The following CFAP54 variants were observed in gnomAD, a reference collection of about 807,000 sequenced individuals.
CFAP54 encodes the protein cilia- and flagella-associated protein 54.
CFAP54 carries 290 observed loss-of-function variants against 370.4 expected under a neutral mutation model. That is an observed-to-expected ratio of 0.78 (90% CI 0.71 to 0.86). The LOEUF (loss-of-function observed/expected upper bound fraction) is 0.86. Among genes scored for constraint, CFAP54 ranks in the 40% least tolerant of loss-of-function variants. The pLI is 0.00. For missense variants in CFAP54, 3,399 were observed against 3,528.7 expected (o/e 0.96, Z 0.93); for synonymous variants, 1,206 against 1,236.5 (o/e 0.98, Z 0.52).
rs1421480583 is a variant in CFAP54 at position 96,615,159 on chromosome 12, G to C, written c.3640-6431G>C. 2.0e-4 allele frequency among the ~76,000 whole-genome samples: 31 copies of C among 152,136 alleles called. No homozygotes were observed. The East Asian group carries it at 4.8e-3, about 24-fold the overall frequency. Reference sequence around the variant, plus strand: ...AAACAGCATGGTAGTGGTACCAAAAGAGAGATATAGATCAATGGAACAGAA... The same window carrying C: ...AAACAGCATGGTAGTGGTACCAAAACAGAGATATAGATCAATGGAACAGAA... On this transcript the variant is annotated intron_variant, in intron 26 of 67. Transcript: ENST00000524981.
At chr12:96,636,782 C>T (rs555257207) in intron 32 of CFAP54, among the ~76,000 whole-genome samples, 29 of 152,208 alleles carry the variant, frequency 1.9e-4, no homozygotes, top group African/African-American at 4.8e-4. Context: ...GGTGAAACCC[C>T]GTCTCTACTA....
chr12:96,493,126 G>A (rs560649303), intron 1 of CFAP54, among the ~76,000 whole-genome samples: 2 of 152,258 alleles, frequency 1.3e-5, no homozygotes, highest in South Asian at 4.1e-4. Context: ...AGAATCACAA[G>A]CATTGGATTG....
intron 46 of CFAP54, among the ~76,000 whole-genome samples, chr12:96,703,590 C>T (rs1213660161): frequency 6.6e-6 from 1 of 151,970 alleles, no homozygotes. Flanking sequence ...ACATCAGTCT[C>T]CTGTGGCAAA....
chr12:96,518,978 G>C lies in CFAP54; in HGVS notation c.849G>C (p.Pro283=), dbSNP rs755330593. 10 of 1,535,802 alleles carry C rather than the reference G, an allele frequency of 6.5e-6. No homozygotes were observed. In the African/African-American group the frequency reaches 9.6e-5, roughly 15 times the overall value. ...GCATGTGTATGGAGTCCTTGGTCCC[G>C]CTCCTGTCACTCAGGTACTTGACAT... ...WASMCMESLV[P]LLSLRYLTWR... Residue 283 remains proline (P), a synonymous_variant, in exon 6 of 68, where the codon CCG becomes CCC. Coordinates refer to ENST00000524981, the MANE Select transcript of CFAP54 (RefSeq NM_001306084.2).
chr12:96,824,121 C>T (rs539715632), intron 65 of CFAP54, among the ~76,000 whole-genome samples: 1 of 152,234 alleles, frequency 6.6e-6, no homozygotes, highest in African/African-American at 2.4e-5. Flanking sequence ...TCTGTGCCCT[C>T]CCAGCCCCTC....
At chr12:96,785,087 T>A (rs1314671952) in intron 61 of CFAP54, among the ~76,000 whole-genome samples, 197 bp downstream of exon 61, 1 of 152,228 alleles carries the variant, frequency 6.6e-6, no homozygotes, top group Admixed American at 6.5e-5. Context: ...TTGGTTTCTT[T>A]AGAAATTCTA....
chr12:96,765,796 G>A (rs1958397028), intron 60 of CFAP54, among the ~76,000 whole-genome samples: 1 of 152,154 alleles, frequency 6.6e-6, no homozygotes, highest in South Asian at 2.1e-4. Flanking sequence ...AAACTGGACT[G>A]CAATACTGTT....
chr12:96,535,599 A>C lies in CFAP54; in HGVS notation c.1790A>C (p.Gln597Pro). Residue 597 changes from glutamine (Q) to proline (P), a missense_variant and splice_region_variant, in exon 12 of 68, where the codon CAG (glutamine) becomes CCG (proline). By Grantham distance (76) the Gln-to-Pro change is moderately conservative. Transcript: ENST00000524981. ...TATGTCTGTGTCTGCACTGCTCCCC[A>C]GGTGAAATAGCTATTTTAAATAATT... is the stretch of plus-strand genomic sequence containing the variant. ...TLYVCVCTAPQDVQPDKEIVV... is the reference protein window; with the variant it reads ...TLYVCVCTAPPDVQPDKEIVV... The C allele has an allele frequency of 6.5e-7, 1 of 1,527,128 alleles. No homozygotes were observed. The highest frequency in any genetic ancestry group is 8.8e-7 in the Non-Finnish European group (1 of 1,140,198). The allele number at this position is 1,527,128 out of a possible 1,614,324, so 94.6% of individuals were successfully genotyped here.
intron 50 of CFAP54, among the ~76,000 whole-genome samples, chr12:96,726,093 G>T (rs1957830790): frequency 6.7e-6 from 1 of 149,200 alleles, no homozygotes; most frequent in South Asian, 2.2e-4. Context: ...TTTTATTGAG[G>T]ATTTTTGCAT....
intron 35 of CFAP54, among the ~76,000 whole-genome samples, chr12:96,651,184 A>G (rs553790670): frequency 5.3e-5 from 8 of 152,300 alleles, no homozygotes; most frequent in Non-Finnish European, 1.0e-4. Context: ...TTTTCTTTAT[A>G]AAACTTCTTA....
intron 26 of CFAP54, among the ~76,000 whole-genome samples, chr12:96,601,648 T>A (rs1353815676): frequency 6.6e-6 from 1 of 152,082 alleles, no homozygotes; most frequent in African/African-American, 2.4e-5. Context: ...GTTATTGATG[T>A]ATTCAGAGAT....
chr12:96,756,561 A>C lies in CFAP54; in HGVS notation c.7944A>C (p.Ser2648=). 1 of 1,576,768 alleles carries C rather than the reference A, an allele frequency of 6.3e-7. No individual in the cohort carries two copies. The highest frequency in any genetic ancestry group is 8.7e-7 in the Non-Finnish European group (1 of 1,150,176). The part of the protein sequence containing the change: ...IQLSLKNDQN[S]GLIRDSYLEM... The stretch of plus-strand genomic sequence containing the variant: ...TAAGCCTGAAAAATGATCAAAACTC[A>C]GGGTAAAAAGATATTCCATTGTTGT... Residue 2648 remains serine, a splice_region_variant and synonymous_variant, in exon 57 of 68, where the codon TCA becomes TCC. Transcript: ENST00000524981.
At chr12:96,511,614 G>A (rs754584874) in intron 4 of CFAP54, among the ~76,000 whole-genome samples, 18 of 151,462 alleles carry the variant, frequency 1.2e-4, no homozygotes, top group Non-Finnish European at 2.5e-4. Context: ...CACCACGCCC[G>A]GCTGGGATTA....
At chr12:96,526,194 G>A (rs1955378657) in intron 8 of CFAP54, among the ~76,000 whole-genome samples, 1 of 152,228 alleles carries the variant, frequency 6.6e-6, no homozygotes, top group Admixed American at 6.5e-5. Context: ...TTCTAGAAAA[G>A]CCTACTAAAA....
At chr12:96,853,832 C>A (rs1418398952) in intron 66 of CFAP54, among the ~76,000 whole-genome samples, 1 of 151,978 alleles carries the variant, frequency 6.6e-6, no homozygotes, top group Non-Finnish European at 1.5e-5. Flanking sequence ...TGCTTTCACT[C>A]GTGGCCTCCA....
At chr12:96,612,975 T>G (rs1956375439) in intron 26 of CFAP54, among the ~76,000 whole-genome samples, 1 of 152,034 alleles carries the variant, frequency 6.6e-6, no homozygotes, top group Non-Finnish European at 1.5e-5. Context: ...GACAGAAAGT[T>G]AAAAAGGATA....
At chr12:96,667,035 A>G (rs1013665674) in intron 39 of CFAP54, among the ~76,000 whole-genome samples, 1 of 152,190 alleles carries the variant, frequency 6.6e-6, no homozygotes, top group South Asian at 2.1e-4. Context: ...AAATCCAATA[A>G]GGCAGTCATT....
chr12:96,665,677 C>T (rs185117114), intron 39 of CFAP54, among the ~76,000 whole-genome samples: 3 of 152,172 alleles, frequency 2.0e-5, no homozygotes, highest in Admixed American at 1.3e-4. Context: ...CACTGGTGTA[C>T]GTGTCTCTTT....
chr12:96,749,686 A>G (rs987688151), intron 55 of CFAP54, among the ~76,000 whole-genome samples: 3 of 152,228 alleles, frequency 2.0e-5, no homozygotes, highest in Non-Finnish European at 2.9e-5. Context: ...AGCATTGACT[A>G]TCTTCTCAAA....
Sources: allele counts gnomAD v4.1 joint callset (sites outside exome capture counted in the v4.1 genomes callset), GRCh38; gene constraint gnomAD v4.1.1; transcripts MANE v1.5; gene names NCBI Gene and HGNC (gene_info 2026-07-23, HGNC 2026-07-21).